Variants in SNRNP200 observed in about 807,000 individuals in gnomAD.
SNRNP200 encodes the protein small nuclear ribonucleoprotein U5 subunit 200.
In SNRNP200, 66 loss-of-function variants were observed where a neutral mutation model predicts 255.2. The ratio of observed to expected loss-of-function variants is 0.26; its 90% confidence interval spans 0.21 to 0.32. The LOEUF (loss-of-function observed/expected upper bound fraction) is 0.32. SNRNP200 is among the 10% of genes least tolerant of loss of function. SNRNP200 has a pLI of 1.00. For synonymous variants in SNRNP200, 939 were observed against 1,027.8 expected (o/e 0.91, Z 1.65); for missense variants, 1,585 against 2,749.8 (o/e 0.58, Z 9.47).
At chr2:96,279,374 G>C in intron 36 of SNRNP200, 77 bp downstream of exon 36, 1 of 920,264 alleles carries the variant, frequency 1.1e-6, no homozygotes, top group African/African-American at 1.6e-5. Context: ...AGTTACTGAA[G>C]ACATCTATCA....
chr2:96,277,980 T>C lies in SNRNP200; in HGVS notation c.5611-30A>G, dbSNP rs769116666. 6.2e-7 allele frequency: 1 copy of C among 1,614,150 alleles called. No individual in the cohort carries two copies. The highest frequency in any genetic ancestry group is 8.5e-7 in the Non-Finnish European group (1 of 1,180,018). ...AAAGTGGAAGAAAAATAGCTGGTGA[T>C]GAACAGGTGACCCTGCCTGAGACCA... On this transcript the variant is annotated intron_variant, in intron 39 of 44. Transcript: ENST00000323853. The surrounding 1 kb of genome is among the most constrained non-coding windows in gnomAD (Gnocchi z 4.4).
rs202035167 is a variant in SNRNP200, at chr2:96,296,517, G to C, written c.1671+19C>G. 4 of 1,613,622 alleles carry C rather than the reference G, an allele frequency of 2.5e-6. No individual in the cohort carries two copies. Among genetic ancestry groups the C allele is most frequent in the South Asian group, 1.1e-5 (1 of 90,982 alleles). ...TAGGTGCACCCAGTATCCTCTGCAG[G>C]AAAGTTCTACTCCCTCACCTTTCCA... On this transcript the variant is annotated intron_variant, in intron 13 of 44. Coordinates refer to ENST00000323853, the MANE Select transcript of SNRNP200 (RefSeq NM_014014.5).
chr2:96,297,601 A>G lies in SNRNP200; in HGVS notation c.1203+36T>C, dbSNP rs879031045. On this transcript the variant is annotated intron_variant, in intron 10 of 44. Transcript: ENST00000323853. ...AGCCGAGCAAGTGAGTTTTCCATCCATCAAGGCCTGGGAAATAAATCGCCC... is the reference window on the plus strand; with the variant it reads ...AGCCGAGCAAGTGAGTTTTCCATCCGTCAAGGCCTGGGAAATAAATCGCCC... 4 of 1,614,206 alleles carry G rather than the reference A, an allele frequency of 2.5e-6. 1 individual carries two copies. In the South Asian group the frequency reaches 4.4e-5, roughly 18 times the overall value.
At chr2:96,293,773 A>G (rs1290538793) in intron 14 of SNRNP200, among the ~76,000 whole-genome samples, 1 of 152,248 alleles carries the variant, frequency 6.6e-6, no homozygotes, top group Non-Finnish European at 1.5e-5. Context: ...AAATGAGTTT[A>G]AACTTTACTT....
chr2:96,291,151 T>C lies in SNRNP200; in HGVS notation c.2421+241A>G, dbSNP rs1330136040. Among the ~76,000 whole-genome samples, 1 of 152,156 alleles carries C rather than the reference T, an allele frequency of 6.6e-6. No homozygotes were observed. Among genetic ancestry groups the C allele is most frequent in the Non-Finnish European group, 1.5e-5 (1 of 68,018 alleles). On this transcript the variant is annotated intron_variant, in intron 18 of 44. Transcript: ENST00000323853. This position sits in a 1 kb window ranked among gnomAD's most constrained non-coding sequence, Gnocchi z 4.2. The stretch of plus-strand genomic sequence containing the variant: ...CCCCATGAGACACTGTTTGGAGCTA[T>C]CTGAAGTCACCAAAGTGCTTGCTTC...
chr2:96,301,458 G>T, intron 4 of SNRNP200, 66 bp downstream of exon 4: 1 of 1,481,472 alleles, frequency 6.8e-7, no homozygotes, highest in South Asian at 1.1e-5. Flanking sequence ...AATGATGCTA[G>T]AAGATGCATG....
rs766199107 is a variant in SNRNP200, at chr2:96,283,719, G to A, written c.4585-6C>T. On this transcript the variant is annotated splice_polypyrimidine_tract_variant and splice_region_variant and intron_variant, in intron 32 of 44. Transcript: ENST00000323853. The surrounding 1 kb of genome is among the most constrained non-coding windows in gnomAD (Gnocchi z 4.7). Reference sequence around the variant, plus strand: ...GTATGGCTGATGTTGAAGCCCTGGCGACCGGGGAGAAGAAAAGACACCAAG... The same window carrying A: ...GTATGGCTGATGTTGAAGCCCTGGCAACCGGGGAGAAGAAAAGACACCAAG... 2.6e-5 allele frequency: 42 copies of A among 1,613,888 alleles called. 1 individual carries two copies. The highest frequency in any genetic ancestry group is 1.2e-4 in the South Asian group (11 of 91,062).
In SNRNP200 at chr2:96,294,831, T is replaced by C. The variant is rs555743558; in HGVS notation, c.1842+657A>G. ...TTTTGTCTATCTGTTTACATTTGTT[T>C]CAAAATATTTCAGACATAGCTTCTT... is the stretch of plus-strand genomic sequence containing the variant. On this transcript the variant is annotated intron_variant, in intron 14 of 44. Coordinates refer to ENST00000323853, the MANE Select transcript of SNRNP200 (RefSeq NM_014014.5). 8.5e-5 allele frequency among the ~76,000 whole-genome samples: 13 copies of C among 152,358 alleles called. No homozygotes were observed. The South Asian group carries it at 1.7e-3, about 19-fold the overall frequency.
At chr2:96,279,382 T>A in intron 36 of SNRNP200, 69 bp downstream of exon 36, 1 of 1,007,110 alleles carries the variant, frequency 9.9e-7, no homozygotes, top group Non-Finnish European at 1.6e-6. Flanking sequence ...AAGACATCTA[T>A]CAAAAGAAAG....
chr2:96,303,955 G>A (rs1332882588), intron 2 of SNRNP200, among the ~76,000 whole-genome samples: 1 of 150,148 alleles, frequency 6.7e-6, no homozygotes, highest in Non-Finnish European at 1.5e-5. Flanking sequence ...ATAGGATTTT[G>A]ACTAGTTTTT....
At position 96,299,311 on chromosome 2, in the gene SNRNP200, A is replaced by C; in HGVS notation, c.729+18T>G. 6.2e-7 allele frequency: 1 copy of C among 1,609,460 alleles called. No individual in the cohort carries two copies. Among genetic ancestry groups the C allele is most frequent in the Non-Finnish European group, 8.5e-7 (1 of 1,175,906 alleles). On this transcript the variant is annotated intron_variant, in intron 6 of 44. Coordinates refer to ENST00000323853, the MANE Select transcript of SNRNP200 (RefSeq NM_014014.5). ...AGAAGTAACCTTGTAGCAATGAGGA[A>C]GAGCAAACTGAACTTACATTAGCCG... is the stretch of plus-strand genomic sequence containing the variant.
rs765309591 is a variant in SNRNP200, at chr2:96,291,785, G to A, written c.2276C>T (p.Thr759Ile). The part of the protein sequence containing the change: ...GLFLREGSAS[T>I]EVLRTEAEQC... ...CTCAGCTTCTGTTCGCAGGACTTCT[G>A]TGGAGGCTGAGCCCTCCCTCAGAAA... is the stretch of plus-strand genomic sequence containing the variant. Residue 759 changes from threonine (T) to isoleucine (I), a missense_variant, in exon 17 of 45, where the codon ACA (threonine) becomes ATA (isoleucine). Transcript: ENST00000323853. The surrounding 1 kb of genome is among the most constrained non-coding windows in gnomAD (Gnocchi z 4.2). The A allele has an allele frequency of 1.2e-6, 2 of 1,614,194 alleles. No homozygotes were observed. The highest frequency in any genetic ancestry group is 1.7e-6 in the Non-Finnish European group (2 of 1,180,044).
At chr2:96,294,872 G>T (rs1329869973) in intron 14 of SNRNP200, among the ~76,000 whole-genome samples, 1 of 152,162 alleles carries the variant, frequency 6.6e-6, no homozygotes, top group East Asian at 1.9e-4. Context: ...TTTGGCTTAA[G>T]ATCAAGTGTA....
intron 2 of SNRNP200, among the ~76,000 whole-genome samples, chr2:96,304,063 GAA>G (rs1252422729): frequency 6.6e-6 from 1 of 152,014 alleles, no homozygotes; most frequent in Non-Finnish European, 1.5e-5. Flanking sequence ...AACTGGAAAA[GAA>G]GATATAGCAC....
intron 30 of SNRNP200, 152 bp from the exon 31 acceptor site, chr2:96,284,737 G>C: frequency 1.5e-6 from 1 of 651,062 alleles, no homozygotes; most frequent in Admixed American, 2.8e-5. Context: ...CGATGCGATG[G>C]GGCAGCTTTT....
chr2:96,301,947 T>C (rs2104363532), intron 3 of SNRNP200, among the ~76,000 whole-genome samples: 1 of 152,186 alleles, frequency 6.6e-6, no homozygotes, highest in East Asian at 1.9e-4. Context: ...CCACAACAGC[T>C]TGCCACACTC....
chr2:96,281,412 G>A (rs189990602), intron 35 of SNRNP200: 25 of 270,308 alleles, frequency 9.2e-5, no homozygotes, highest in Admixed American at 6.5e-4. Context: ...CAAGTGATCC[G>A]CCCGCCTCAG....
Position 96,291,311 on chromosome 2 carries a change from G to A in SNRNP200, c.2421+81C>T. 2 of 861,310 alleles carry A rather than the reference G, an allele frequency of 2.3e-6. No homozygotes were observed. Among genetic ancestry groups the A allele is most frequent in the African/African-American group, 1.6e-5 (1 of 60,756 alleles). The allele number at this position is 861,310 out of a possible 1,614,324, so 53.4% of individuals were successfully genotyped here. A position where few individuals can be genotyped will look rare whatever the true frequency, so the allele number is the denominator to read the frequency against. ...GGCCAGAAGCAATAAAGTACCAGGA[G>A]CAAACATGGCACAAACTTGACATTG... On this transcript the variant is annotated intron_variant, in intron 18 of 44. Coordinates refer to ENST00000323853, the MANE Select transcript of SNRNP200 (RefSeq NM_014014.5). This position sits in a 1 kb window ranked among gnomAD's most constrained non-coding sequence, Gnocchi z 4.2.
At chr2:96,297,743 T>C (rs376508563) in intron 9 of SNRNP200, 23 bp from the exon 10 acceptor site, 11 of 1,613,438 alleles carry the variant, frequency 6.8e-6, no homozygotes, top group Non-Finnish European at 8.5e-6. Flanking sequence ...AAGATAAAAA[T>C]CACAAAAACA....
Sources: gnomAD v4.1 joint callset for allele counts (sites outside exome capture counted in the v4.1 genomes callset) on GRCh38, gnomAD v4.1.1 for gene constraint, Gnocchi (gnomAD v3.1) non-coding constraint, MANE v1.5 for transcripts, NCBI Gene and HGNC (gene_info 2026-07-23, HGNC 2026-07-21) for gene names.